NADK: variants seen among roughly 807,000 people sequenced by gnomAD.
NADK encodes the protein poly(P)/ATP NAD kinase.
In NADK, 22 loss-of-function variants were observed where a neutral mutation model predicts 49.8. The observed-to-expected ratio is 0.44, with a 90% confidence interval of 0.32 to 0.63. The LOEUF is 0.63. Ranked by LOEUF, NADK falls within the 30% of genes least tolerant of loss-of-function variation. The pLI, the probability that NADK is intolerant of heterozygous loss-of-function variation, is 0.06. For synonymous variants in NADK, 268 were observed against 253.7 expected, an observed-to-expected ratio of 1.06 and a Z score of -0.54; for missense variants, 438 against 609.4, an observed-to-expected ratio of 0.72 and a Z score of 2.96.
In NADK at chr1:1,778,388, G is replaced by C. The variant is rs1646276971; in HGVS notation, c.-140C>G. The stretch of plus-strand genomic sequence containing the variant: ...GCCAGCCGTCGCTACCTGGCCCTTG[G>C]CGCCCTGGCCGCCTGTTGCCCCATG... On this transcript the variant is annotated 5_prime_UTR_variant, in exon 1 of 12. Coordinates refer to ENST00000341426, the MANE Select transcript of NADK (RefSeq NM_023018.5). The surrounding 1 kb of genome is among the most constrained non-coding windows in gnomAD (Gnocchi z 4.9). The C allele has an allele frequency of 6.7e-6, 1 of 149,906 alleles. No individual in the cohort carries two copies. Among genetic ancestry groups the C allele is most frequent in the Non-Finnish European group, 1.5e-5 (1 of 67,202 alleles). The allele number at this position is 149,906 out of a possible 1,614,324, so 9.3% of individuals were successfully genotyped here. A position where few individuals can be genotyped will look rare whatever the true frequency, so the allele number is the denominator to read the frequency against.
chr1:1,758,398 C>T lies in NADK; in HGVS notation c.264-1088G>A, dbSNP rs112952700. 856 of 1,611,602 alleles carry T rather than the reference C, an allele frequency of 5.3e-4. 4 individuals are homozygous for T. The African/African-American group carries it at 1.0e-2, about 19-fold the overall frequency. ...GGCATTACTGGGAGGCGTGGGGTCA[C>T]TCATGCCATCCCCTATGAGCTCAGC... is the stretch of plus-strand genomic sequence containing the variant. On this transcript the variant is annotated intron_variant, in intron 3 of 11. Transcript: ENST00000341426.
rs367997566 is a variant in NADK at position 1,752,861 on chromosome 1, T to C, written c.*43A>G. The C allele has an allele frequency of 3.8e-6, 6 of 1,591,700 alleles. No individual in the cohort carries two copies. Among genetic ancestry groups the C allele is most frequent in the African/African-American group, 2.7e-5 (2 of 74,634 alleles). Reference sequence around the variant, plus strand: ...AGATTGGTCTGTCCCCAGAGGGCGCTTGGAGGGCAGCGGAAGGATTCGGGC... The same window carrying C: ...AGATTGGTCTGTCCCCAGAGGGCGCCTGGAGGGCAGCGGAAGGATTCGGGC... On this transcript the variant is annotated 3_prime_UTR_variant, in exon 12 of 12. Transcript: ENST00000341426.
intron 3 of NADK, chr1:1,759,857 G>C: frequency 1.3e-6 from 2 of 1,550,770 alleles, no homozygotes; most frequent in Non-Finnish European, 8.7e-7. Context: ...AGTGACTGAC[G>C]GCTGGTGAAG....
chr1:1,759,641 T>C (rs1645651198), intron 3 of NADK: 4 of 1,379,882 alleles, frequency 2.9e-6, no homozygotes, highest in Non-Finnish European at 2.9e-6. Flanking sequence ...AGCGGGAGGT[T>C]ATGATCCCAG....
chr1:1,777,203 A>G (rs192717900), intron 1 of NADK, among the ~76,000 whole-genome samples: 1 of 152,306 alleles, frequency 6.6e-6, no homozygotes, highest in Non-Finnish European at 1.5e-5. Context: ...GCGTGCTAAC[A>G]CCATAAAGTG....
At chr1:1,755,862 G>A in intron 6 of NADK, 1 of 437,466 alleles carries the variant, frequency 2.3e-6, no homozygotes, top group African/African-American at 2.0e-5. Flanking sequence ...CCAACATGCA[G>A]TGGGCCAAGG....
Position 1,753,073 on chromosome 1 carries a change from A to G in NADK, c.1185-13T>C, listed in dbSNP as rs770905633. ...AGTGATGCTGATGCTGGGACGGGAGAGCAGCAGCCTGAGCCAGGGCTTCCA... is the reference window on the plus strand; with the variant it reads ...AGTGATGCTGATGCTGGGACGGGAGGGCAGCAGCCTGAGCCAGGGCTTCCA... On this transcript the variant is annotated splice_polypyrimidine_tract_variant and intron_variant, in intron 11 of 11. Transcript: ENST00000341426. The G allele has an allele frequency of 1.2e-6, 2 of 1,602,098 alleles. No individual in the cohort carries two copies. The highest frequency in any genetic ancestry group is 2.7e-5 in the African/African-American group (2 of 74,844).
chr1:1,773,711 T>TGAGAGAGAGA (rs769092801), intron 1 of NADK, among the ~76,000 whole-genome samples: 9 of 113,794 alleles, frequency 7.9e-5, no homozygotes, highest in East Asian at 7.6e-4. Flanking sequence ...TGTGTGTGTG[T>TGAGAGAGAGA]GTGTGTGTGT....
chr1:1,757,421 C>G (rs1333997075), intron 3 of NADK, 111 bp from the exon 4 acceptor site: 2 of 994,394 alleles, frequency 2.0e-6, no homozygotes, highest in Admixed American at 2.2e-5. Flanking sequence ...TTTCACCTCC[C>G]AGGGAAACGT....
intron 3 of NADK, 75 bp from the exon 4 acceptor site, chr1:1,757,385 A>T (rs78174042): frequency 2.2e-4 from 141 of 633,972 alleles, no homozygotes; most frequent in African/African-American, 8.8e-4. Flanking sequence ...CTTAGAAAAT[A>T]AAAAAAAAAA....
intron 1 of NADK, among the ~76,000 whole-genome samples, chr1:1,776,488 A>C (rs1646213578): frequency 6.6e-6 from 1 of 152,186 alleles, no homozygotes; most frequent in Non-Finnish European, 1.5e-5. Context: ...AGACTGGTCC[A>C]AGTGAGGCAA....
chr1:1,757,348 T>C (rs775576827), intron 3 of NADK, 38 bp from the exon 4 acceptor site: 130 of 1,539,264 alleles, frequency 8.4e-5, no homozygotes, highest in Non-Finnish European at 1.1e-4. Flanking sequence ...CCAGCTGCGA[T>C]CTCCCTCTTG....
At chr1:1,772,923 C>T (rs1366254419) in intron 1 of NADK, among the ~76,000 whole-genome samples, 1 of 151,700 alleles carries the variant, frequency 6.6e-6, no homozygotes, top group Non-Finnish European at 1.5e-5. Context: ...TGCCTGTAAT[C>T]CCAGCCACTC....
chr1:1,754,927 T>A lies in NADK; in HGVS notation c.689-229A>T. 4.1e-6 allele frequency: 2 copies of A among 489,844 alleles called. No individual in the cohort carries two copies. The highest frequency in any genetic ancestry group is 5.5e-5 in the South Asian group (2 of 36,596). 30.3% of individuals were successfully genotyped at this position (489,844 alleles called of 1,614,324 possible). A position where few individuals can be genotyped will look rare whatever the true frequency, so the allele number is the denominator to read the frequency against. ...ACCTCTGCCTCCCAGGTTCAAGTGATTCTCCTGCCTCAGCCTCCCAAGTAG... is the reference window on the plus strand; with the variant it reads ...ACCTCTGCCTCCCAGGTTCAAGTGAATCTCCTGCCTCAGCCTCCCAAGTAG... On this transcript the variant is annotated intron_variant, in intron 7 of 11. Transcript: ENST00000341426. This position sits in a 1 kb window ranked among gnomAD's most constrained non-coding sequence, Gnocchi z 4.3.
chr1:1,756,500 C>T lies in NADK; in HGVS notation c.499+3G>A, dbSNP rs1447095679. On this transcript the variant is annotated splice_donor_region_variant and intron_variant, in intron 5 of 11. Transcript: ENST00000341426. The stretch of plus-strand genomic sequence containing the variant: ...ACCAAGGACAGAGCTGCTGACAGCC[C>T]ACCTTCTCGAAAGGTACAGAATTTC... 8 of 1,613,934 alleles carry T rather than the reference C, an allele frequency of 5.0e-6. No homozygotes were observed. Among genetic ancestry groups the T allele is most frequent in the Non-Finnish European group, 6.8e-6 (8 of 1,180,022 alleles).
intron 10 of NADK, 150 bp from the exon 11 acceptor site, chr1:1,753,799 C>G: frequency 1.2e-6 from 1 of 826,354 alleles, no homozygotes; most frequent in Non-Finnish European, 1.9e-6. Context: ...AGGCACCGGC[C>G]CAGCTCAGCA....
At chr1:1,772,902 G>T (rs1045405072) in intron 1 of NADK, among the ~76,000 whole-genome samples, 2 of 151,628 alleles carry the variant, frequency 1.3e-5, no homozygotes, top group African/African-American at 2.4e-5. Context: ...TCAGCCCGGC[G>T]TGGTGGCGCA....
rs1049152330 is a variant in NADK at position 1,778,294 on chromosome 1, G to C, written c.-46C>G. 6.6e-6 allele frequency: 1 copy of C among 151,672 alleles called. No homozygotes were observed. The highest frequency in any genetic ancestry group is 2.4e-5 in the African/African-American group (1 of 41,374). 9.4% of individuals were successfully genotyped at this position (151,672 alleles called of 1,614,324 possible). A position where few individuals can be genotyped will look rare whatever the true frequency, so the allele number is the denominator to read the frequency against. On this transcript the variant is annotated 5_prime_UTR_variant, in exon 1 of 12. Coordinates refer to ENST00000341426, the MANE Select transcript of NADK (RefSeq NM_023018.5). The surrounding 1 kb of genome is among the most constrained non-coding windows in gnomAD (Gnocchi z 4.9). ...GGCCGGGTCTGCTCACTCACCGTTC[G>C]CTGCCGCGGGCGCCTGCGGGGGCGT... is the stretch of plus-strand genomic sequence containing the variant.
chr1:1,757,373 G>A, intron 3 of NADK, 63 bp from the exon 4 acceptor site: 2 of 1,397,834 alleles, frequency 1.4e-6, no homozygotes, highest in Non-Finnish European at 2.0e-6. Context: ...AAAGGTGTAT[G>A]ACTTAGAAAA....
Sources: gnomAD v4.1 joint callset for allele counts (sites outside exome capture counted in the v4.1 genomes callset) on GRCh38, gnomAD v4.1.1 for gene constraint, Gnocchi (gnomAD v3.1) non-coding constraint, MANE v1.5 for transcripts, NCBI Gene and HGNC (gene_info 2026-07-23, HGNC 2026-07-21) for gene names.